Variants in CTNND2 observed in about 807,000 individuals in gnomAD.
CTNND2 encodes catenin delta-2.
In CTNND2, 22 loss-of-function variants were observed where a neutral mutation model predicts 144.4. The ratio of observed to expected loss-of-function variants is 0.15; its 90% CI spans 0.11 to 0.22. The LOEUF (loss-of-function observed/expected upper bound fraction) is 0.22, where lower values mean the gene tolerates loss of function less well. Among genes scored for constraint, CTNND2 ranks in the 10% least tolerant of loss-of-function variants. The probability of loss-of-function intolerance (pLI) is 1.00; values close to 1 mark genes in which losing one functional copy is unlikely to be tolerated. For synonymous variants in CTNND2, 751 were observed against 695.6 expected (o/e 1.08, Z -1.25); for missense variants, 1,353 against 1,618.8 (o/e 0.84, Z 2.82).
At chr5:11,185,629 G>A (rs1021898504) in intron 11 of CTNND2, among the ~76,000 whole-genome samples, 19 of 152,174 alleles carry the variant, frequency 1.2e-4, no homozygotes, top group Admixed American at 1.2e-3. Context: ...GTTGCTAAGT[G>A]AAAAGAGTTT....
chr5:11,013,002 T>C (rs1363334444), intron 18 of CTNND2, among the ~76,000 whole-genome samples: 1 of 152,196 alleles, frequency 6.6e-6, no homozygotes, highest in African/African-American at 2.4e-5. Flanking sequence ...ACCCCAAATA[T>C]GGCACCTTGG....
intron 12 of CTNND2, among the ~76,000 whole-genome samples, chr5:11,121,616 T>C (rs1754147954): frequency 6.6e-6 from 1 of 152,100 alleles, no homozygotes; most frequent in Non-Finnish European, 1.5e-5. Context: ...AAAAGACCAA[T>C]CTATTTTTTA....
intron 9 of CTNND2, among the ~76,000 whole-genome samples, chr5:11,286,699 C>T (rs1454664141): frequency 6.6e-6 from 1 of 152,192 alleles, no homozygotes; most frequent in African/African-American, 2.4e-5. Flanking sequence ...GGAGTTGGCA[C>T]ATACAGGGTG....
chr5:11,465,905 G>A (rs1251576453), intron 3 of CTNND2, among the ~76,000 whole-genome samples: 1 of 152,110 alleles, frequency 6.6e-6, no homozygotes, highest in Admixed American at 6.5e-5. Context: ...AGGTGCAGAT[G>A]GCCAGTTCTG....
At chr5:11,537,867 T>C (rs1774367082) in intron 3 of CTNND2, among the ~76,000 whole-genome samples, 1 of 152,342 alleles carries the variant, frequency 6.6e-6, no homozygotes, top group East Asian at 1.9e-4. Flanking sequence ...TTTTTCATTA[T>C]GTTCTCCTGG....
intron 3 of CTNND2, among the ~76,000 whole-genome samples, chr5:11,558,372 GTGTGTGTGTGAC>G (rs201618510): frequency 0.38 from 51,986 of 138,312 alleles, 9,536 homozygotes; most frequent in Middle Eastern, 0.5. Flanking sequence ...GTGTGTGTGT[GTGTGTGTGTGAC>G]ACACAAGGTC....
intron 2 of CTNND2, among the ~76,000 whole-genome samples, chr5:11,646,921 GCA>G (rs913582166): frequency 6.6e-6 from 1 of 152,102 alleles, no homozygotes; most frequent in African/African-American, 2.4e-5. Context: ...CAGTCTCCCT[GCA>G]CACACAGTGC....
At chr5:10,976,695 C>T (rs1736534239) in intron 21 of CTNND2, among the ~76,000 whole-genome samples, 1 of 152,222 alleles carries the variant, frequency 6.6e-6, no homozygotes. Flanking sequence ...AGGATAGTGT[C>T]ATGACACCTT....
intron 9 of CTNND2, among the ~76,000 whole-genome samples, chr5:11,320,368 C>T (rs1210734948): frequency 6.6e-6 from 1 of 152,010 alleles, no homozygotes; most frequent in Non-Finnish European, 1.5e-5. Flanking sequence ...CACTGGTGTC[C>T]TCAGACAAAC....
intron 1 of CTNND2, among the ~76,000 whole-genome samples, chr5:11,855,990 GAGAA>G (rs1271931858): frequency 2.6e-5 from 4 of 152,210 alleles, no homozygotes; most frequent in Non-Finnish European, 5.9e-5. Flanking sequence ...AAAAGGCTTT[GAGAA>G]AGCACTGAAT....
In CTNND2 at chr5:11,903,809, C is replaced by T; in HGVS notation, c.37+8G>A. 2 of 1,481,810 alleles carry T rather than the reference C, an allele frequency of 1.3e-6. No homozygotes were observed. Among genetic ancestry groups the T allele is most frequent in the Non-Finnish European group, 1.8e-6 (2 of 1,122,918 alleles). 91.8% of individuals were successfully genotyped at this position (1,481,810 alleles called of 1,614,324 possible). ...GCCCGGCCCCGGCCGCCCAGCCCCG[C>T]AACTCACCCAAAGGCGCGGCGCCCG... On this transcript the variant is annotated splice_region_variant and intron_variant, in intron 1 of 21. Coordinates refer to ENST00000304623, the MANE Select transcript of CTNND2 (RefSeq NM_001332.4). The surrounding 1 kb of genome is among the most constrained non-coding windows in gnomAD (Gnocchi z 5.4).
intron 10 of CTNND2, among the ~76,000 whole-genome samples, chr5:11,214,576 C>A (rs990201786): frequency 6.6e-6 from 1 of 152,092 alleles, no homozygotes; most frequent in Non-Finnish European, 1.5e-5. Context: ...GTCATATTTT[C>A]AAAAAACATA....
chr5:11,856,469 G>T (rs1325457219), intron 1 of CTNND2, among the ~76,000 whole-genome samples: 1 of 152,160 alleles, frequency 6.6e-6, no homozygotes, highest in Non-Finnish European at 1.5e-5. Flanking sequence ...GACAAACTCG[G>T]CTCAGGATGA....
intron 6 of CTNND2, among the ~76,000 whole-genome samples, chr5:11,393,969 C>T (rs1007681425): frequency 6.6e-6 from 1 of 152,126 alleles, no homozygotes; most frequent in African/African-American, 2.4e-5. Flanking sequence ...TGTAGCCACT[C>T]TGGCATCCTT....
intron 2 of CTNND2, among the ~76,000 whole-genome samples, chr5:11,653,845 T>C (rs1258385842): frequency 6.6e-6 from 1 of 152,066 alleles, no homozygotes. Context: ...TTTTTTGTTA[T>C]GTGTTCTTCC....
intron 9 of CTNND2, among the ~76,000 whole-genome samples, chr5:11,285,319 T>C (rs554530268): frequency 3.3e-5 from 5 of 152,304 alleles, no homozygotes; most frequent in Admixed American, 6.5e-5. Context: ...CCCAGTTCTA[T>C]AGTGAAATCT....
intron 16 of CTNND2, among the ~76,000 whole-genome samples, chr5:11,078,409 G>C (rs1184849278): frequency 2.0e-5 from 3 of 152,178 alleles, no homozygotes; most frequent in African/African-American, 4.8e-5. Flanking sequence ...CTGTGACTTA[G>C]ATATTTTCCC....
chr5:11,663,950 T>A (rs926816303), intron 2 of CTNND2, among the ~76,000 whole-genome samples: 14 of 152,164 alleles, frequency 9.2e-5, no homozygotes, highest in African/African-American at 3.1e-4. Flanking sequence ...AAATTAGCAT[T>A]TCTTAGCAAG....
intron 1 of CTNND2, among the ~76,000 whole-genome samples, chr5:11,835,832 CCTT>C (rs1794147924): frequency 1.3e-5 from 2 of 152,004 alleles, no homozygotes; most frequent in Admixed American, 1.3e-4. Flanking sequence ...TTTCTTCTGT[CCTT>C]CTTTCTGTTT....
Sources: allele counts gnomAD v4.1 joint callset (sites outside exome capture counted in the v4.1 genomes callset), GRCh38; gene constraint gnomAD v4.1.1; non-coding constraint Gnocchi (gnomAD v3.1); transcripts MANE v1.5; gene names NCBI Gene and HGNC (gene_info 2026-07-23, HGNC 2026-07-21).